Variants in NNT observed in about 807,000 individuals in gnomAD.
The protein encoded by NNT is NAD(P) transhydrogenase, mitochondrial.
NNT carries 50 observed loss-of-function variants against 104.8 expected under a neutral mutation model. The ratio of observed to expected loss-of-function variants is 0.48; its 90% CI spans 0.38 to 0.60. NNT has a LOEUF of 0.60. Among genes scored for constraint, NNT ranks in the 20% least tolerant of loss-of-function variants. The pLI, the probability that NNT is intolerant of heterozygous loss-of-function variation, is 0.00. For synonymous variants in NNT, 461 were observed against 490.4 expected (o/e 0.94, Z 0.79); for missense variants, 1,131 against 1,330.7 (o/e 0.85, Z 2.33).
chr5:43,665,211 T>C (rs1293585789), intron 17 of NNT, among the ~76,000 whole-genome samples: 1 of 149,024 alleles, frequency 6.7e-6, no homozygotes, highest in East Asian at 1.9e-4. Context: ...TGGTATTTTA[T>C]TTATTTATTT....
At chr5:43,640,279 C>G (rs2111793204) in intron 7 of NNT, among the ~76,000 whole-genome samples, 1 of 152,212 alleles carries the variant, frequency 6.6e-6, no homozygotes, top group Non-Finnish European at 1.5e-5. Flanking sequence ...TGTACAAAAT[C>G]CGGACACATC....
chr5:43,693,314 G>T (rs1742385900), intron 19 of NNT, among the ~76,000 whole-genome samples: 2 of 152,044 alleles, frequency 1.3e-5, no homozygotes, highest in Admixed American at 6.6e-5. Context: ...TAATTTTCAT[G>T]CTTAAACCTG....
chr5:43,645,168 C>T (rs577932513), intron 9 of NNT, among the ~76,000 whole-genome samples, 189 bp from the exon 10 acceptor site: 1 of 152,046 alleles, frequency 6.6e-6, no homozygotes, highest in South Asian at 2.1e-4. Flanking sequence ...GTATATGTAA[C>T]ATGGATATTA....
intron 20 of NNT, 137 bp downstream of exon 20, chr5:43,700,374 T>C (rs1399318891): frequency 3.5e-6 from 2 of 571,292 alleles, no homozygotes; most frequent in Non-Finnish European, 6.1e-6. Context: ...AGATAATAAG[T>C]TGAAATTAAA....
intron 17 of NNT, among the ~76,000 whole-genome samples, chr5:43,673,927 G>A (rs1741267826): frequency 6.6e-6 from 1 of 151,816 alleles, no homozygotes; most frequent in Admixed American, 6.6e-5. Context: ...GGCTGAGGCA[G>A]GAAAATCTCT....
At chr5:43,606,702 T>A (rs1749242287) in intron 1 of NNT, among the ~76,000 whole-genome samples, 1 of 152,190 alleles carries the variant, frequency 6.6e-6, no homozygotes, top group Admixed American at 6.5e-5. Flanking sequence ...GAGGACACAA[T>A]CTCATTCTTT....
intron 7 of NNT, among the ~76,000 whole-genome samples, chr5:43,631,969 GAAA>G (rs34558570): frequency 1.9e-5 from 2 of 102,886 alleles, no homozygotes; most frequent in Non-Finnish European, 4.1e-5. Context: ...TTTCTTTTGG[GAAA>G]AAAAAAAAAA....
chr5:43,700,210 A>G lies in NNT; in HGVS notation c.2968A>G (p.Met990Val). 6.2e-7 allele frequency: 1 copy of G among 1,613,376 alleles called. No homozygotes were observed. The highest frequency in any genetic ancestry group is 8.5e-7 in the Non-Finnish European group (1 of 1,179,540). ...AGVPYDIVLE[M>V]DEINHDFPDT... The stretch of plus-strand genomic sequence containing the variant: ...TGTGCCATATGACATTGTGTTGGAA[A>G]TGGATGAGATCAACCATGATTTTCC... The change falls in exon 20 of 22, where the codon ATG (methionine) becomes GTG (valine). Residue 990 changes from methionine (M) to valine (V), a missense_variant. By Grantham distance (21) the Met-to-Val change is conservative. Transcript: ENST00000344920.
intron 19 of NNT, among the ~76,000 whole-genome samples, chr5:43,683,521 C>G (rs1220835307): frequency 6.6e-6 from 1 of 152,208 alleles, no homozygotes; most frequent in African/African-American, 2.4e-5. Context: ...TTGATGAAAT[C>G]ATTGTCACTG....
At chr5:43,668,699 G>A (rs1270152758) in intron 17 of NNT, among the ~76,000 whole-genome samples, 3 of 152,192 alleles carry the variant, frequency 2.0e-5, no homozygotes, top group African/African-American at 7.2e-5. Flanking sequence ...AGGATAGTTT[G>A]AAGTCAGGTA....
chr5:43,613,344 G>C (rs751059677), intron 3 of NNT: 1 of 499,432 alleles, frequency 2.0e-6, no homozygotes, highest in African/African-American at 1.9e-5. Context: ...TAACCATGAG[G>C]AGAGAAAAAG....
intron 17 of NNT, 37 bp from the exon 18 acceptor site, chr5:43,675,474 G>A (rs372534107): frequency 6.3e-6 from 10 of 1,582,714 alleles, no homozygotes; most frequent in Middle Eastern, 1.7e-4. Context: ...AAAGTTATGT[G>A]TGTTAAACTC....
intron 10 of NNT, 145 bp downstream of exon 10, chr5:43,645,655 C>CTA (rs1458333612): frequency 0.053 from 1,723 of 32,534 alleles, 44 homozygotes; most frequent in African/African-American, 0.15. Context: ...ATCTATCTAT[C>CTA]TCTCTCTCTC....
intron 19 of NNT, among the ~76,000 whole-genome samples, chr5:43,695,261 G>A (rs2112220257): frequency 6.6e-6 from 1 of 152,244 alleles, no homozygotes; most frequent in South Asian, 2.1e-4. Context: ...CTTCCTTTTA[G>A]GAAGGGGTCA....
chr5:43,691,963 A>G (rs1027346258), intron 19 of NNT, among the ~76,000 whole-genome samples: 1 of 152,208 alleles, frequency 6.6e-6, no homozygotes, highest in African/African-American at 2.4e-5. Flanking sequence ...TATAGTTTCA[A>G]TGTAAGTTCT....
chr5:43,610,253 G>A (rs916507156), intron 2 of NNT, among the ~76,000 whole-genome samples: 2 of 142,728 alleles, frequency 1.4e-5, no homozygotes, highest in Non-Finnish European at 3.0e-5. Context: ...TGCAAAGAGC[G>A]AAAGAACAAA....
At chr5:43,638,870 A>T (rs551304670) in intron 7 of NNT, among the ~76,000 whole-genome samples, 2 of 151,884 alleles carry the variant, frequency 1.3e-5, no homozygotes, top group African/African-American at 4.8e-5. Context: ...TAATTAATTA[A>T]TTAATTTTTT....
chr5:43,636,435 G>T (rs1248984564), intron 7 of NNT, among the ~76,000 whole-genome samples: 2 of 152,138 alleles, frequency 1.3e-5, no homozygotes, highest in African/African-American at 4.8e-5. Flanking sequence ...AATTGTTTTT[G>T]ATATGAATTT....
chr5:43,669,326 G>T, intron 17 of NNT, among the ~76,000 whole-genome samples: 2 of 152,118 alleles, frequency 1.3e-5, no homozygotes, highest in Non-Finnish European at 2.9e-5. Flanking sequence ...TGTTGAATAG[G>T]AGTGGTGAGA....
Sources: gnomAD v4.1 joint callset for allele counts (sites outside exome capture counted in the v4.1 genomes callset) on GRCh38, gnomAD v4.1.1 for gene constraint, MANE v1.5 for transcripts, NCBI Gene and HGNC (gene_info 2026-07-23, HGNC 2026-07-21) for gene names.